TBX18: variants seen among roughly 807,000 people sequenced by gnomAD.
The protein encoded by TBX18 is T-box transcription factor 18.
In TBX18, 21 loss-of-function variants were observed where a neutral mutation model predicts 55.0. The ratio of observed to expected loss-of-function variants is 0.38; its 90% confidence interval spans 0.27 to 0.55. The LOEUF (loss-of-function observed/expected upper bound fraction) is 0.55. Ranked by LOEUF, TBX18 falls within the 20% of genes least tolerant of loss-of-function variation. The probability of loss-of-function intolerance (pLI) is 0.73; values close to 1 mark genes in which losing one functional copy is unlikely to be tolerated. For missense variants in TBX18, 840 were observed against 799.6 expected (o/e 1.05, Z -0.61); for synonymous variants, 342 against 326.1 (o/e 1.05, Z -0.53).
intron 6 of TBX18, among the ~76,000 whole-genome samples, chr6:84,740,638 T>C (rs976449993): frequency 6.6e-6 from 1 of 152,224 alleles, no homozygotes. Context: ...CCTGTTTAGC[T>C]GATCACCCTC....
Position 84,763,996 on chromosome 6 carries a change from G to A in TBX18, c.186C>T (p.Gly62=). 2 of 1,563,144 alleles carry A rather than the reference G, an allele frequency of 1.3e-6. No individual in the cohort carries two copies. Among genetic ancestry groups the A allele is most frequent in the Non-Finnish European group, 8.6e-7 (1 of 1,159,238 alleles). The change falls in exon 1 of 8, where the codon GGC becomes GGT. Residue 62 remains glycine (G), a synonymous_variant. Coordinates refer to ENST00000369663, the MANE Select transcript of TBX18 (RefSeq NM_001080508.3). ...CGTCTCCCTCAGAAGAACCCTTTTC[G>A]CCCGCGCCGCCGCCGCGGCTGCAGC... ...DGGCSRGGGA[G]EKGSSEGDEG... is the part of the protein sequence containing the mutation.
chr6:84,748,050 A>C lies in TBX18; in HGVS notation c.809T>G (p.Val270Gly). Residue 270 changes from valine to glycine, a missense_variant, in exon 5 of 8, where the codon GTG becomes GGG. By Grantham distance (109) the Val-to-Gly change is moderately radical. Coordinates refer to ENST00000369663, the MANE Select transcript of TBX18 (RefSeq NM_001080508.3). Reference protein sequence around the residue: ...LHSMHKYQPRVHVIRKDCGDD... With the variant: ...LHSMHKYQPRGHVIRKDCGDD... ...TCCACAGTCTTTACGGATGACGTGC[A>C]CTCGCGGTTGGTATTTGTGCATAGA... is the stretch of plus-strand genomic sequence containing the variant. 2 of 1,612,996 alleles carry C rather than the reference A, an allele frequency of 1.2e-6. No homozygotes were observed. The highest frequency in any genetic ancestry group is 1.7e-6 in the Non-Finnish European group (2 of 1,179,216).
rs780295188 is a variant in TBX18 at position 84,737,429 on chromosome 6, G to A, written c.1100-20C>T. ...CATTGCCTACAAAAGAAGTTGAAAT[G>A]TAAAGAATGACTCCACAGTCATCCT... On this transcript the variant is annotated intron_variant, in intron 7 of 7. Coordinates refer to ENST00000369663, the MANE Select transcript of TBX18 (RefSeq NM_001080508.3). The A allele has an allele frequency of 1.3e-6, 2 of 1,504,308 alleles. No homozygotes were observed. Among genetic ancestry groups the A allele is most frequent in the African/African-American group, 1.4e-5 (1 of 71,422 alleles). The allele number at this position is 1,504,308 out of a possible 1,614,324, so 93.2% of individuals were successfully genotyped here.
Position 84,764,523 on chromosome 6 carries a change from TC to T in TBX18, c.-343del. On this transcript the variant is annotated 5_prime_UTR_variant, in exon 1 of 8. Coordinates refer to ENST00000369663, the MANE Select transcript of TBX18 (RefSeq NM_001080508.3). Reference sequence around the variant, plus strand: ...GAGGACTAACATGGGTAAAAAACACTCTGTGGACACAAATTAGGGATTGTAA... The same window carrying T: ...GAGGACTAACATGGGTAAAAAACACTTGTGGACACAAATTAGGGATTGTAA... The T allele has an allele frequency of 3.7e-6, 1 of 267,932 alleles. No homozygotes were observed. The highest frequency in any genetic ancestry group is 7.0e-6 in the Non-Finnish European group (1 of 143,318). The allele number at this position is 267,932 out of a possible 1,614,324, so 16.6% of individuals were successfully genotyped here. A position where few individuals can be genotyped will look rare whatever the true frequency, so the allele number is the denominator to read the frequency against.
At chr6:84,758,249 A>T (rs1767548086) in intron 3 of TBX18, among the ~76,000 whole-genome samples, 1 of 151,978 alleles carries the variant, frequency 6.6e-6, no homozygotes, top group Non-Finnish European at 1.5e-5. Flanking sequence ...TCTACTAAAA[A>T]TACAAAAAGT....
chr6:84,758,638 A>C (rs9444229), intron 3 of TBX18, among the ~76,000 whole-genome samples: 11,454 of 152,170 alleles, frequency 0.075, 1,444 homozygotes, highest in African/African-American at 0.26. Flanking sequence ...TTAGAGATTC[A>C]AGAAAAATTA....
At chr6:84,748,186 A>G in intron 4 of TBX18, 99 bp from the exon 5 acceptor site, 2 of 915,370 alleles carry the variant, frequency 2.2e-6, no homozygotes, top group Admixed American at 5.5e-5. Flanking sequence ...CTGATTGGAA[A>G]TCATTTCCAA....
In TBX18 at chr6:84,762,612, C is replaced by A. The variant is rs761069850; in HGVS notation, c.429G>T (p.Leu143=). The change falls in exon 2 of 8, where the codon CTG becomes CTT. Residue 143 remains leucine (L), a synonymous_variant. Coordinates refer to ENST00000369663, the MANE Select transcript of TBX18 (RefSeq NM_001080508.3). ...LPSPQAPRVD[L]QGAELWKRFH... is the part of the protein sequence containing the mutation. ...AGCGCTTCCAGAGCTCGGCTCCCTG[C>A]AGATCCACCCGCGGGGCCTGCGGCG... is the stretch of plus-strand genomic sequence containing the variant. 10 of 1,613,278 alleles carry A rather than the reference C, an allele frequency of 6.2e-6. No homozygotes were observed. Among genetic ancestry groups the A allele is most frequent in the African/African-American group, 4.0e-5 (3 of 74,924 alleles).
rs1766883475 is a variant in TBX18, at chr6:84,736,971, G to A, written c.1538C>T (p.Thr513Ile). The change falls in exon 8 of 8, where the codon ACC becomes ATC. Residue 513 changes from threonine (T) to isoleucine (I), a missense_variant. Thr to Ile is a moderately conservative substitution (Grantham distance 89). Transcript: ENST00000369663. Reference sequence around the variant, plus strand: ...AAAAGTATTATAGGAACCCTGATGGGTCTGGTTAGTGGCGAAGGCATTGCT... The same window carrying A: ...AAAAGTATTATAGGAACCCTGATGGATCTGGTTAGTGGCGAAGGCATTGCT... Reference protein sequence around the residue: ...PSSNAFATNQTHQGSYNTFRL... With the variant: ...PSSNAFATNQIHQGSYNTFRL... 2 of 1,610,890 alleles carry A rather than the reference G, an allele frequency of 1.2e-6. No individual in the cohort carries two copies. Among genetic ancestry groups the A allele is most frequent in the Non-Finnish European group, 1.7e-6 (2 of 1,178,088 alleles).
intron 5 of TBX18, among the ~76,000 whole-genome samples, chr6:84,746,023 T>C (rs966150674): frequency 3.3e-5 from 5 of 152,146 alleles, no homozygotes; most frequent in South Asian, 2.1e-4. Context: ...TTCTTAAAAA[T>C]AGTAGCCAGG....
At chr6:84,740,463 G>A (rs1293525858) in intron 6 of TBX18, among the ~76,000 whole-genome samples, 1 of 152,048 alleles carries the variant, frequency 6.6e-6, no homozygotes, top group Non-Finnish European at 1.5e-5. Context: ...TTCCAAACCA[G>A]TCATCATATC....
In TBX18 at chr6:84,763,999, C is replaced by G; in HGVS notation, c.183G>C (p.Ala61=). ...CTCCCTCAGAAGAACCCTTTTCGCC[C>G]GCGCCGCCGCCGCGGCTGCAGCCTC... ...DDGGCSRGGG[A]GEKGSSEGDE... The change falls in exon 1 of 8, where the codon GCG becomes GCC. Residue 61 remains alanine (A), a synonymous_variant. Transcript: ENST00000369663. 1.3e-6 allele frequency: 2 copies of G among 1,563,564 alleles called. No homozygotes were observed. Among genetic ancestry groups the G allele is most frequent in the Non-Finnish European group, 8.6e-7 (1 of 1,159,170 alleles).
chr6:84,753,926 T>G (rs1479601588), intron 4 of TBX18, among the ~76,000 whole-genome samples: 1 of 152,086 alleles, frequency 6.6e-6, no homozygotes, highest in Non-Finnish European at 1.5e-5. Context: ...TCATGGCTTT[T>G]ATCTTATTTT....
intron 2 of TBX18, 60 bp from the exon 3 acceptor site, chr6:84,760,416 G>A (rs1767618098): frequency 8.9e-7 from 1 of 1,120,430 alleles, no homozygotes; most frequent in Non-Finnish European, 1.3e-6. Flanking sequence ...TAAGGATGGA[G>A]CGTGAATAAG....
At chr6:84,744,386 G>C in intron 5 of TBX18, 61 bp from the exon 6 acceptor site, 2 of 1,451,624 alleles carry the variant, frequency 1.4e-6, no homozygotes, top group Non-Finnish European at 1.9e-6. Flanking sequence ...TTTTTACTTG[G>C]TTGCAAAACT....
rs998657827 is a variant in TBX18 at position 84,732,963 on chromosome 6, A to G, written c.*3722T>C. On this transcript the variant is annotated 3_prime_UTR_variant, in exon 8 of 8. Coordinates refer to ENST00000369663, the MANE Select transcript of TBX18 (RefSeq NM_001080508.3). ...GAAACTAAAAGGAATACTAACAATT[A>G]TCATCCCAGCCATTCCTTTCACACA... is the stretch of plus-strand genomic sequence containing the variant. 6.6e-6 allele frequency: 1 copy of G among 152,128 alleles called. No individual in the cohort carries two copies. The highest frequency in any genetic ancestry group is 1.5e-5 in the Non-Finnish European group (1 of 67,998). The allele number at this position is 152,128 out of a possible 1,614,324, so 9.4% of individuals were successfully genotyped here.
intron 6 of TBX18, chr6:84,741,619 A>G (rs904569368): frequency 6.6e-6 from 1 of 152,202 alleles, no homozygotes. Context: ...TCACAAGTCT[A>G]TGTTTATTTC....
At chr6:84,754,544 GTTAT>G (rs1351452886) in intron 4 of TBX18, among the ~76,000 whole-genome samples, 4 of 152,036 alleles carry the variant, frequency 2.6e-5, no homozygotes, top group African/African-American at 4.8e-5. Flanking sequence ...TTTCTGCTAT[GTTAT>G]TTATTTCCCT....
In TBX18 at chr6:84,764,229, G is replaced by T; in HGVS notation, c.-48C>A. 7.4e-7 allele frequency: 1 copy of T among 1,343,708 alleles called. No homozygotes were observed. The highest frequency in any genetic ancestry group is 3.2e-5 in the East Asian group (1 of 31,742). 83.2% of individuals were successfully genotyped at this position (1,343,708 alleles called of 1,614,324 possible). A position where few individuals can be genotyped will look rare whatever the true frequency, so the allele number is the denominator to read the frequency against. On this transcript the variant is annotated 5_prime_UTR_variant, in exon 1 of 8. Transcript: ENST00000369663. ...GCCCCTCTCTCATATACACTCACGCGGGCACACGCGCGCTCTCGCTCTTCC... is the reference window on the plus strand; with the variant it reads ...GCCCCTCTCTCATATACACTCACGCTGGCACACGCGCGCTCTCGCTCTTCC...
Sources: allele counts gnomAD v4.1 joint callset (sites outside exome capture counted in the v4.1 genomes callset), GRCh38; gene constraint gnomAD v4.1.1; transcripts MANE v1.5; gene names NCBI Gene and HGNC (gene_info 2026-07-23, HGNC 2026-07-21).